TMEM132B: variants seen among roughly 807,000 people sequenced by gnomAD.
TMEM132B encodes the protein transmembrane protein 132B.
A neutral mutation model predicts 90.8 loss-of-function variants in TMEM132B; 18 were observed. The ratio of observed to expected loss-of-function variants is 0.20; its 90% CI spans 0.14 to 0.29. The LOEUF is 0.29. Ranked by LOEUF, TMEM132B falls within the 10% of genes least tolerant of loss-of-function variation. The pLI, the probability that TMEM132B is intolerant of heterozygous loss-of-function variation, is 1.00. For synonymous variants in TMEM132B, 504 were observed against 523.3 expected (o/e 0.96, Z 0.50); for missense variants, 1,096 against 1,326.8 (o/e 0.83, Z 2.70).
chr12:125,582,513 C>T (rs1039743937), intron 4 of TMEM132B, among the ~76,000 whole-genome samples: 5 of 151,946 alleles, frequency 3.3e-5, no homozygotes, highest in Non-Finnish European at 7.4e-5. Flanking sequence ...CTAGTGAGGC[C>T]AATTATGGAA....
chr12:125,644,755 G>A (rs924090891), intron 6 of TMEM132B, among the ~76,000 whole-genome samples: 4 of 151,984 alleles, frequency 2.6e-5, no homozygotes, highest in Non-Finnish European at 4.4e-5. Context: ...TCCCGCGCCG[G>A]GCAAGACTCT....
chr12:125,605,263 TGG>T (rs1172931278), intron 5 of TMEM132B, among the ~76,000 whole-genome samples: 1 of 152,048 alleles, frequency 6.6e-6, no homozygotes, highest in East Asian at 1.9e-4. Context: ...CACATGTGAG[TGG>T]GTGGTTAGCA....
chr12:125,563,181 T>TAAC (rs1430292956), intron 4 of TMEM132B, among the ~76,000 whole-genome samples: 1 of 144,784 alleles, frequency 6.9e-6, no homozygotes, highest in African/African-American at 2.5e-5. Flanking sequence ...ATAATAATAA[T>TAAC]AATAATAAAA....
intron 3 of TMEM132B, among the ~76,000 whole-genome samples, chr12:125,511,623 T>C (rs1230604383): frequency 6.6e-6 from 1 of 151,354 alleles, no homozygotes; most frequent in African/African-American, 2.4e-5. Context: ...GAGGCCGAGG[T>C]GGGCGGATCA....
chr12:125,260,631 C>A (rs757121796), intron 1 of TMEM132B, among the ~76,000 whole-genome samples: 2 of 152,006 alleles, frequency 1.3e-5, no homozygotes, highest in East Asian at 3.9e-4. Context: ...AGCCACTGTG[C>A]CTGGTCAATA....
intron 1 of TMEM132B, among the ~76,000 whole-genome samples, chr12:125,306,855 A>G (rs755815832): frequency 1.3e-5 from 2 of 152,222 alleles, no homozygotes; most frequent in Non-Finnish European, 2.9e-5. Flanking sequence ...GTTGATCAGA[A>G]TGCTCTAAAT....
At position 125,311,451 on chromosome 12, in the gene TMEM132B, G is replaced by A. The variant is rs557025344; in HGVS notation, c.68-38001G>A. Among the ~76,000 whole-genome samples, 15 of 152,248 alleles carry A rather than the reference G, an allele frequency of 9.9e-5. No individual in the cohort carries two copies. In the East Asian group the frequency reaches 2.5e-3, roughly 25 times the overall value. ...GTTTGCTCAGGTTGAAAACTCTGGC[G>A]TCATCCCAGCTTCTCTCTTCCTTTT... On this transcript the variant is annotated intron_variant, in intron 1 of 8. Coordinates refer to ENST00000682704, the MANE Select transcript of TMEM132B (RefSeq NM_001366854.1).
chr12:125,280,667 C>T (rs1316733080), intron 1 of TMEM132B, among the ~76,000 whole-genome samples: 1 of 152,240 alleles, frequency 6.6e-6, no homozygotes, highest in Non-Finnish European at 1.5e-5. Context: ...GCTCACGTCT[C>T]ATTGGCCAGA....
intron 7 of TMEM132B, 41 bp from the exon 8 acceptor site, chr12:125,652,400 T>A (rs1283223820): frequency 1.3e-6 from 2 of 1,522,456 alleles, no homozygotes; most frequent in African/African-American, 2.7e-5. Context: ...ATGGTGCTCA[T>A]GAGGAGCAGA....
At chr12:125,515,320 C>T (rs1243145164) in intron 3 of TMEM132B, among the ~76,000 whole-genome samples, 1 of 151,800 alleles carries the variant, frequency 6.6e-6, no homozygotes, top group Non-Finnish European at 1.5e-5. Context: ...CACATGTTCT[C>T]TTACAGAAAC....
chr12:125,634,717 T>A (rs1886441695), intron 5 of TMEM132B, among the ~76,000 whole-genome samples: 2 of 152,218 alleles, frequency 1.3e-5, no homozygotes, highest in Non-Finnish European at 2.9e-5. Context: ...AGTAATGTTA[T>A]CTGGGAGCTA....
intron 3 of TMEM132B, among the ~76,000 whole-genome samples, chr12:125,500,285 T>C (rs1405830397): frequency 6.6e-6 from 1 of 152,206 alleles, no homozygotes; most frequent in Non-Finnish European, 1.5e-5. Context: ...TTTGACACAA[T>C]TGGCATTTCA....
chr12:125,350,809 A>G (rs1237670017), intron 2 of TMEM132B, among the ~76,000 whole-genome samples: 1 of 152,216 alleles, frequency 6.6e-6, no homozygotes, highest in Non-Finnish European at 1.5e-5. Flanking sequence ...GATGTTTACA[A>G]TTGTAAGCCC....
rs922708656 is a variant in TMEM132B at position 125,621,406 on chromosome 12, T to C, written c.1438-22670T>C. On this transcript the variant is annotated intron_variant, in intron 5 of 8. Transcript: ENST00000682704. Reference sequence around the variant, plus strand: ...CTCTTTGAGTAGAGGGAAGGGGGAGTTTGAGTGTTAGGTGCATGTTGGTGG... The same window carrying C: ...CTCTTTGAGTAGAGGGAAGGGGGAGCTTGAGTGTTAGGTGCATGTTGGTGG... Among the ~76,000 whole-genome samples, 7 of 150,314 alleles carry C rather than the reference T, an allele frequency of 4.7e-5. No individual in the cohort carries two copies. The Admixed American group carries it at 4.7e-4, about 10-fold the overall frequency.
chr12:125,416,414 G>A (rs1339936288), intron 3 of TMEM132B, among the ~76,000 whole-genome samples: 1 of 152,196 alleles, frequency 6.6e-6, no homozygotes, highest in Non-Finnish European at 1.5e-5. Flanking sequence ...CCCAGGAGGG[G>A]GCTCGGACTC....
chr12:125,189,999 G>A (rs1957787433), intron 1 of TMEM132B, among the ~76,000 whole-genome samples: 4 of 152,178 alleles, frequency 2.6e-5, no homozygotes, highest in Admixed American at 2.6e-4. Context: ...GAGGCACCCT[G>A]GTACCGTGGG....
intron 1 of TMEM132B, among the ~76,000 whole-genome samples, chr12:125,253,966 A>G (rs1261906753): frequency 6.6e-6 from 1 of 152,162 alleles, no homozygotes; most frequent in Non-Finnish European, 1.5e-5. Context: ...AGAGCTTGAA[A>G]TAAATGGGCG....
At chr12:125,353,848 A>G (rs902164937) in intron 2 of TMEM132B, among the ~76,000 whole-genome samples, 3 of 152,224 alleles carry the variant, frequency 2.0e-5, no homozygotes, top group Admixed American at 2.0e-4. Flanking sequence ...CAACATCCAG[A>G]CTGTAGAAAG....
chr12:125,479,991 C>T (rs1254975610), intron 3 of TMEM132B, among the ~76,000 whole-genome samples: 1 of 152,178 alleles, frequency 6.6e-6, no homozygotes, highest in Non-Finnish European at 1.5e-5. Context: ...AACTGAACAA[C>T]CTGCTCCTGA....
Sources: allele counts gnomAD v4.1 joint callset (sites outside exome capture counted in the v4.1 genomes callset), GRCh38; gene constraint gnomAD v4.1.1; transcripts MANE v1.5; gene names NCBI Gene and HGNC (gene_info 2026-07-23, HGNC 2026-07-21).